Variants in GIGYF1 observed in about 807,000 individuals in gnomAD.
The protein encoded by GIGYF1 is GRB10 interacting GYF protein 1, also known as GRB10-interacting GYF protein 1.
GIGYF1 carries 84 observed loss-of-function variants against 147.1 expected under a neutral mutation model. That is an observed-to-expected ratio of 0.57 (90% CI 0.48 to 0.68). GIGYF1 has a LOEUF of 0.68. Ranked by LOEUF, GIGYF1 falls within the 30% of genes least tolerant of loss-of-function variation. The pLI, the probability that GIGYF1 is intolerant of heterozygous loss-of-function variation, is 0.00. For synonymous variants in GIGYF1, 752 were observed against 589.5 expected, an observed-to-expected ratio of 1.28 and a Z score of -3.99; for missense variants, 1,485 against 1,393.7, an observed-to-expected ratio of 1.07 and a Z score of -1.04.
rs544823769 is a variant in GIGYF1, at chr7:100,684,528, G to C, written c.1551C>G (p.Gly517=). The C allele has an allele frequency of 1.9e-6, 3 of 1,614,056 alleles. No homozygotes were observed. The highest frequency in any genetic ancestry group is 1.7e-5 in the Admixed American group (1 of 60,028). ...TGATCACCTCGCCCAGCGGCTGGAA[G>C]CCCTCATCGCAGCCCCGCTTCACCA... ...SLLVKRGCDE[G]FQPLGEVIKM... The change falls in exon 16 of 27, where the codon GGC becomes GGG. Residue 517 remains glycine (G), a synonymous_variant. Transcript: ENST00000678049.
Position 100,687,515 on chromosome 7 carries a change from C to T in GIGYF1, c.363G>A (p.Thr121=), listed in dbSNP as rs78361039. The T allele has an allele frequency of 1.2e-3, 1,912 of 1,611,438 alleles. 17 individuals carry two copies. In the African/African-American group the frequency reaches 0.02, roughly 17 times the overall value. ...CCATCACCCCTCTACCTCGGCTCCG[C>T]GTGCTGCCCCTGCCTCGGGAGGTGC... ...LAGTSRGRGS[T]RSRGRGRGDS... The change falls in exon 7 of 27, where the codon ACG becomes ACA. Residue 121 remains threonine (T), a synonymous_variant. Transcript: ENST00000678049.
chr7:100,684,181 G>C, intron 17 of GIGYF1, 24 bp from the exon 18 acceptor site: 1 of 1,609,052 alleles, frequency 6.2e-7, no homozygotes, highest in Admixed American at 1.7e-5. Flanking sequence ...AGTGGAGATG[G>C]TGGGCCACAG....
At position 100,687,628 on chromosome 7, in the gene GIGYF1, G is replaced by C; in HGVS notation, c.262-12C>G. 6.2e-7 allele frequency: 1 copy of C among 1,600,668 alleles called. No homozygotes were observed. Among genetic ancestry groups the C allele is most frequent in the Non-Finnish European group, 8.5e-7 (1 of 1,173,098 alleles). ...AGGGAGAAGTTTCTCTGAGGAGGGAGCCAGGGGCGGGAGTGAGGACCCAGG... is the reference window on the plus strand; with the variant it reads ...AGGGAGAAGTTTCTCTGAGGAGGGACCCAGGGGCGGGAGTGAGGACCCAGG... On this transcript the variant is annotated splice_polypyrimidine_tract_variant and intron_variant, in intron 6 of 26. Coordinates refer to ENST00000678049, the MANE Select transcript of GIGYF1 (RefSeq NM_001375765.1).
Position 100,683,918 on chromosome 7 carries a change from T to G in GIGYF1, c.1869A>C (p.Arg623Ser). 6.4e-7 allele frequency: 1 copy of G among 1,556,446 alleles called. No individual in the cohort carries two copies. ...LQQLQALKPP[R>S]GGDQNLLPTM... Reference sequence around the variant, plus strand: ...TCGGGAGCAGGTTCTGGTCCCCGCCTCTGAGGAGCAAATTGTGGATTCTTA... The same window carrying G: ...TCGGGAGCAGGTTCTGGTCCCCGCCGCTGAGGAGCAAATTGTGGATTCTTA... The change falls in exon 19 of 27, where the codon AGA (arginine) becomes AGC (serine). Residue 623 changes from arginine to serine, a missense_variant and splice_region_variant. Arg to Ser is a moderately radical substitution (Grantham distance 110). Transcript: ENST00000678049.
intron 9 of GIGYF1, 90 bp downstream of exon 9, chr7:100,686,913 GCCC>G (rs1805406459): frequency 6.2e-7 from 1 of 1,600,428 alleles, no homozygotes. Context: ...AGGCCCTCCT[GCCC>G]CCAACACCTC....
Position 100,682,306 on chromosome 7 carries a change from G to T in GIGYF1, c.2761+16C>A. On this transcript the variant is annotated intron_variant, in intron 24 of 26. Coordinates refer to ENST00000678049, the MANE Select transcript of GIGYF1 (RefSeq NM_001375765.1). ...AGACCCAGGTCCCGCCCACCTCCTGGGAGCCGCTCGCCCACCGTCCAGGCT... is the reference window on the plus strand; with the variant it reads ...AGACCCAGGTCCCGCCCACCTCCTGTGAGCCGCTCGCCCACCGTCCAGGCT... 1 of 1,610,038 alleles carries T rather than the reference G, an allele frequency of 6.2e-7. No individual in the cohort carries two copies.
rs578223942 is a variant in GIGYF1, at chr7:100,680,866, G to T, written c.*853C>A. 1 of 152,724 alleles carries T rather than the reference G, an allele frequency of 6.5e-6. No individual in the cohort carries two copies. Among genetic ancestry groups the T allele is most frequent in the Admixed American group, 6.5e-5 (1 of 15,288 alleles). The allele number at this position is 152,724 out of a possible 1,614,324, so 9.5% of individuals were successfully genotyped here. A position where few individuals can be genotyped will look rare whatever the true frequency, so the allele number is the denominator to read the frequency against. On this transcript the variant is annotated 3_prime_UTR_variant, in exon 27 of 27. Transcript: ENST00000678049. The stretch of plus-strand genomic sequence containing the variant: ...TTCACGTGGCAAGGCAGAGAGCTGG[G>T]GCTTTCAGGTTCAAACCCAGGGTGT...
chr7:100,681,039 T>G lies in GIGYF1; in HGVS notation c.*680A>C, dbSNP rs947510162. The G allele has an allele frequency of 3.3e-5, 5 of 152,666 alleles. No homozygotes were observed. Among genetic ancestry groups the G allele is most frequent in the Non-Finnish European group, 7.3e-5 (5 of 68,090 alleles). 9.5% of individuals were successfully genotyped at this position (152,666 alleles called of 1,614,324 possible). ...GCAGCCAGAGAGCTGGGGCCACTCG[T>G]CCAATTTGTGCAACTGTCCCCCAAA... On this transcript the variant is annotated 3_prime_UTR_variant, in exon 27 of 27. Transcript: ENST00000678049.
Position 100,686,287 on chromosome 7 carries a change from G to A in GIGYF1, c.841C>T (p.Pro281Ser), listed in dbSNP as rs768501196. 1.2e-5 allele frequency: 19 copies of A among 1,613,960 alleles called. No individual in the cohort carries two copies. Among genetic ancestry groups the A allele is most frequent in the South Asian group, 5.5e-5 (5 of 91,088 alleles). Residue 281 changes from proline (P) to serine (S), a missense_variant, in exon 11 of 27, where the codon CCT becomes TCT. Physicochemically the swap from Pro to Ser is moderately conservative, Grantham distance 74 (BLOSUM62 -1). Transcript: ENST00000678049. Reference protein sequence around the residue: ...GSSHLRRCRAPEGFEEDKDGL... With the variant: ...GSSHLRRCRASEGFEEDKDGL... ...TCCTTGTCCTCCTCAAAGCCTTCAGGCGCTCGGCACCGCCGCAGGTGAGAG... is the reference window on the plus strand; with the variant it reads ...TCCTTGTCCTCCTCAAAGCCTTCAGACGCTCGGCACCGCCGCAGGTGAGAG...
At position 100,686,828 on chromosome 7, in the gene GIGYF1, C is replaced by A; in HGVS notation, c.524-9G>T. 3.1e-6 allele frequency: 5 copies of A among 1,613,254 alleles called. No homozygotes were observed. The highest frequency in any genetic ancestry group is 4.2e-6 in the Non-Finnish European group (5 of 1,179,592). On this transcript the variant is annotated splice_polypyrimidine_tract_variant and intron_variant, in intron 9 of 26. Coordinates refer to ENST00000678049, the MANE Select transcript of GIGYF1 (RefSeq NM_001375765.1). ...CTCAAAGCCACATCGTGCTGGGAGA[C>A]GGGAAGACAGGGGCAGTTATTAGAA...
In GIGYF1 at chr7:100,686,001, C is replaced by T; in HGVS notation, c.1027G>A (p.Gly343Arg). ...GCCTCAGGCCCTTCCTCCTCTAGCC[C>T]TTCGGAAGGTTCCTCCTCCTCCTCC... ...GLEEEEEPSE[G>R]LEEEGPEAGG... The change falls in exon 12 of 27, where the codon GGG (glycine) becomes AGG (arginine). Residue 343 changes from glycine (G) to arginine (R), a missense_variant. Coordinates refer to ENST00000678049, the MANE Select transcript of GIGYF1 (RefSeq NM_001375765.1). 1 of 1,612,732 alleles carries T rather than the reference C, an allele frequency of 6.2e-7. No individual in the cohort carries two copies. The highest frequency in any genetic ancestry group is 1.1e-5 in the South Asian group (1 of 91,052).
Position 100,686,073 on chromosome 7 carries a change from G to T in GIGYF1, c.955C>A (p.Pro319Thr). ...TGCTCCTCAGGAATGGGCTCCTTGGGGCCCTTCTGCATGGGGCCGGGGTGG... is the reference window on the plus strand; with the variant it reads ...TGCTCCTCAGGAATGGGCTCCTTGGTGCCCTTCTGCATGGGGCCGGGGTGG... Reference protein sequence around the residue: ...SGAFLPLKKGPKEPIPEEQEL... With the variant: ...SGAFLPLKKGTKEPIPEEQEL... The change falls in exon 12 of 27, where the codon CCC (proline) becomes ACC (threonine). Residue 319 changes from proline (P) to threonine (T), a missense_variant. Coordinates refer to ENST00000678049, the MANE Select transcript of GIGYF1 (RefSeq NM_001375765.1). 1 of 1,612,440 alleles carries T rather than the reference G, an allele frequency of 6.2e-7. No individual in the cohort carries two copies. Among genetic ancestry groups the T allele is most frequent in the Non-Finnish European group, 8.5e-7 (1 of 1,179,898 alleles).
intron 1 of GIGYF1, among the ~76,000 whole-genome samples, chr7:100,692,440 TG>T (rs1172381479): frequency 2.6e-5 from 4 of 152,238 alleles, no homozygotes; most frequent in Non-Finnish European, 5.9e-5. Flanking sequence ...TATGCAAGAC[TG>T]GAGGTGCGCA....
Position 100,683,808 on chromosome 7 carries a change from G to C in GIGYF1, c.1969+10C>G. On this transcript the variant is annotated intron_variant, in intron 19 of 26. Transcript: ENST00000678049. ...CTGCCTTGGGGGTGGGGACCAGTCAGGCCACACACCTGACTGTGATGAGGC... is the reference window on the plus strand; with the variant it reads ...CTGCCTTGGGGGTGGGGACCAGTCACGCCACACACCTGACTGTGATGAGGC... 1 of 1,577,034 alleles carries C rather than the reference G, an allele frequency of 6.3e-7. No homozygotes were observed. Among genetic ancestry groups the C allele is most frequent in the African/African-American group, 1.3e-5 (1 of 74,232 alleles).
At chr7:100,682,529 T>TG (rs773159660) in intron 23 of GIGYF1, 47 bp from the exon 24 acceptor site, 201 of 1,598,494 alleles carry the variant, frequency 1.3e-4, no homozygotes, top group East Asian at 1.1e-3. Context: ...TGGCAGGGGT[T>TG]GGGGGGGTCT....
intron 3 of GIGYF1, 62 bp from the exon 4 acceptor site, chr7:100,688,369 G>A (rs1215394413): frequency 3.8e-6 from 3 of 795,948 alleles, no homozygotes; most frequent in South Asian, 1.6e-5. Flanking sequence ...GCGCAGGGAG[G>A]ACACCATGGG....
Position 100,688,059 on chromosome 7 carries a change from A to C in GIGYF1, c.87T>G (p.Pro29=). Residue 29 remains proline (P), a synonymous_variant, in exon 5 of 27, where the codon CCT becomes CCG. Transcript: ENST00000678049. ...CAGCCAGCTTGTATTTGGGCATGGC[A>C]GGGGACGGGGGTGGGGAGGCCACGC... ...GGSVASPPPS[P]AMPKYKLADY... is the part of the protein sequence containing the mutation. The C allele has an allele frequency of 1.9e-6, 3 of 1,595,216 alleles. No individual in the cohort carries two copies. The South Asian group carries it at 3.3e-5, about 18-fold the overall frequency.
intron 15 of GIGYF1, 35 bp from the exon 16 acceptor site, chr7:100,684,651 G>C (rs751635701): frequency 3.7e-6 from 6 of 1,613,448 alleles, no homozygotes; most frequent in South Asian, 1.1e-5. Flanking sequence ...AGAACCACTG[G>C]GGTCACAGGG....
In GIGYF1 at chr7:100,685,390, G is replaced by A. The variant is rs146386475; in HGVS notation, c.1146C>T (p.Asn382=). 4.6e-5 allele frequency: 74 copies of A among 1,593,956 alleles called. No individual in the cohort carries two copies. Among genetic ancestry groups the A allele is most frequent in the Admixed American group, 5.6e-5 (3 of 53,104 alleles). Residue 382 remains asparagine, a synonymous_variant, in exon 13 of 27, where the codon AAC becomes AAT. Coordinates refer to ENST00000678049, the MANE Select transcript of GIGYF1 (RefSeq NM_001375765.1). The part of the protein sequence containing the change: ...LPTLGPLWGT[N]GDGDETAEKE... ...TCTCTGCAGTTTCGTCCCCATCCCC[G>A]TTTGTCCCCCAGAGTGGGCCCAGGG...
Sources: gnomAD v4.1 joint callset for allele counts (sites outside exome capture counted in the v4.1 genomes callset) on GRCh38, gnomAD v4.1.1 for gene constraint, MANE v1.5 for transcripts, NCBI Gene and HGNC (gene_info 2026-07-23, HGNC 2026-07-21) for gene names.